MERTK: variants seen among roughly 807,000 people sequenced by gnomAD.
MERTK encodes tyrosine-protein kinase Mer.
Under a neutral mutation model 99.3 loss-of-function variants are expected in MERTK, and 69 were observed. The observed-to-expected ratio is 0.70, with a 90% CI of 0.57 to 0.85. MERTK has a LOEUF of 0.85. Ranked by LOEUF, MERTK falls within the 40% of genes least tolerant of loss-of-function variation. The pLI is 0.00. For missense variants in MERTK, 1,125 were observed against 1,249.4 expected (o/e 0.90, Z 1.50); for synonymous variants, 426 against 467.6 (o/e 0.91, Z 1.15).
intron 15 of MERTK, among the ~76,000 whole-genome samples, chr2:112,017,882 A>C (rs956710794): frequency 2.0e-5 from 3 of 152,218 alleles, no homozygotes; most frequent in East Asian, 1.9e-4. Flanking sequence ...CAACAAGTAG[A>C]ATGACTTCAC....
intron 4 of MERTK, among the ~76,000 whole-genome samples, chr2:111,951,548 T>TATATATATATATATATAC (rs1491494901): frequency 1.7e-5 from 2 of 118,914 alleles, no homozygotes; most frequent in African/African-American, 2.9e-5. Context: ...TATATATATA[T>TATATATATATATATATAC]ACCATAATTT....
At chr2:111,906,606 C>T (rs559997827) in intron 1 of MERTK, among the ~76,000 whole-genome samples, 1 of 152,304 alleles carries the variant, frequency 6.6e-6, no homozygotes, top group African/African-American at 2.4e-5. Flanking sequence ...GCCTGGAGGC[C>T]AGTTTTTCAC....
intron 1 of MERTK, among the ~76,000 whole-genome samples, chr2:111,922,691 C>T (rs1247558892): frequency 1.3e-5 from 2 of 152,184 alleles, no homozygotes; most frequent in East Asian, 3.9e-4. Flanking sequence ...ATCCTCTTGT[C>T]CTCACAAGAG....
intron 1 of MERTK, among the ~76,000 whole-genome samples, chr2:111,907,042 G>T (rs1684149942): frequency 6.6e-6 from 1 of 152,116 alleles, no homozygotes; most frequent in African/African-American, 2.4e-5. Flanking sequence ...CCTCAGCCCT[G>T]TGCGTGACTC....
At position 112,028,622 on chromosome 2, in the gene MERTK, C is replaced by G. The variant is rs189194232; in HGVS notation, c.2758C>G (p.His920Asp). The stretch of plus-strand genomic sequence containing the variant: ...CATCAGTGTGGTCACAGCAGAAGTT[C>G]ATGACAGCAAACCTCATGAAGGACG... ...AAISVVTAEV[H>D]DSKPHEGRYI... Residue 920 changes from histidine to aspartate, a missense_variant, in exon 19 of 19, where the codon CAT (histidine) becomes GAT (aspartate). His to Asp is a moderately conservative substitution (Grantham distance 81, BLOSUM62 -1). Coordinates refer to ENST00000295408, the MANE Select transcript of MERTK (RefSeq NM_006343.3). 4.3e-5 allele frequency: 70 copies of G among 1,614,204 alleles called. No individual in the cohort carries two copies. Among genetic ancestry groups the G allele is most frequent in the Middle Eastern group, 1.6e-4 (1 of 6,062 alleles).
chr2:111,960,641 G>T (rs77485850), intron 4 of MERTK, among the ~76,000 whole-genome samples: 302 of 151,794 alleles, frequency 2.0e-3, no homozygotes, highest in Non-Finnish European at 3.6e-3. Context: ...AAATATTTTT[G>T]CAATTTCAAG....
intron 1 of MERTK, among the ~76,000 whole-genome samples, chr2:111,926,555 C>T (rs1349551842): frequency 6.6e-6 from 1 of 152,122 alleles, no homozygotes; most frequent in East Asian, 1.9e-4. Context: ...GGTGAAACCC[C>T]GTCTCTACTA....
chr2:111,972,060 C>T (rs1033083655), intron 6 of MERTK, among the ~76,000 whole-genome samples: 7 of 152,080 alleles, frequency 4.6e-5, no homozygotes, highest in Admixed American at 1.3e-4. Context: ...GACAGAGTTT[C>T]GCGCTTATTG....
intron 2 of MERTK, among the ~76,000 whole-genome samples, chr2:111,930,926 T>C (rs1268029787): frequency 2.0e-5 from 3 of 152,176 alleles, no homozygotes; most frequent in Admixed American, 2.0e-4. Flanking sequence ...AGTTTTAGAA[T>C]TGGGTTGGCC....
At chr2:111,952,584 T>G (rs936261121) in intron 4 of MERTK, 7 of 152,266 alleles carry the variant, frequency 4.6e-5, no homozygotes, top group Non-Finnish European at 8.8e-5. Context: ...AGCTGACCAG[T>G]GCACGGGGTG....
intron 18 of MERTK, among the ~76,000 whole-genome samples, chr2:112,027,435 A>C (rs1350922833): frequency 6.6e-6 from 1 of 151,736 alleles, no homozygotes; most frequent in Non-Finnish European, 1.5e-5. Flanking sequence ...GGTATAACTC[A>C]CTCTTCATCT....
At chr2:111,924,567 C>G (rs932034070) in intron 1 of MERTK, among the ~76,000 whole-genome samples, 1 of 152,184 alleles carries the variant, frequency 6.6e-6, no homozygotes, top group African/African-American at 2.4e-5. Flanking sequence ...TGCTCTTCTT[C>G]CTCCTACTCA....
At chr2:112,010,359 C>T in intron 15 of MERTK, 1 of 375,344 alleles carries the variant, frequency 2.7e-6, no homozygotes, top group Admixed American at 3.7e-5. Context: ...CACTTCACAA[C>T]CCTCATGGCC....
chr2:112,009,952 G>A lies in MERTK; in HGVS notation c.1965G>A (p.Val655=), dbSNP rs1441987918. 2 of 1,605,440 alleles carry A rather than the reference G, an allele frequency of 1.2e-6. No homozygotes were observed. Among genetic ancestry groups the A allele is most frequent in the Non-Finnish European group, 1.7e-6 (2 of 1,172,300 alleles). The change falls in exon 15 of 19, where the codon GTG becomes GTA. Residue 655 remains valine, a synonymous_variant. Coordinates refer to ENST00000295408, the MANE Select transcript of MERTK (RefSeq NM_006343.3). ...SHPNVIRLLG[V]CIEMSSQGIP... ...ATGCTGTGTTTGTAATTTCAGGTGT[G>A]TGTATAGAAATGAGCTCTCAAGGCA...
rs1684628586 is a variant in MERTK at position 111,929,461 on chromosome 2, AAGGAATTG to A, written c.404_411del (p.Lys135ThrfsTer14). On this transcript the variant is annotated frameshift_variant, in exon 2 of 19. Coordinates refer to ENST00000295408, the MANE Select transcript of MERTK (RefSeq NM_006343.3). LOFTEE classifies it high-confidence loss of function. ...CACAATTTCTTGGTGGAAAGATGGG[AAGGAATTG>A]CTTGGGGCACATCATGCAATTACAC... 6.2e-7 allele frequency: 1 copy of A among 1,614,084 alleles called. No homozygotes were observed. Among genetic ancestry groups the A allele is most frequent in the African/African-American group, 1.3e-5 (1 of 74,938 alleles).
chr2:111,913,178 C>A, intron 1 of MERTK: 2 of 544,920 alleles, frequency 3.7e-6, no homozygotes, highest in Non-Finnish European at 2.3e-6. Context: ...GGACAAAGGC[C>A]AAATATATAC....
intron 2 of MERTK, among the ~76,000 whole-genome samples, chr2:111,938,663 G>C (rs72938452): frequency 0.043 from 6,600 of 152,238 alleles, 491 homozygotes; most frequent in African/African-American, 0.15. Context: ...GGCTGAGTAT[G>C]TGCCATTTCT....
At chr2:111,981,737 GTACACACACA>G (rs1299278599) in intron 7 of MERTK, among the ~76,000 whole-genome samples, 6,621 of 151,248 alleles carry the variant, frequency 0.044, 489 homozygotes, top group African/African-American at 0.15. Flanking sequence ...GTACACTCGT[GTACACACACA>G]CACACACACA....
intron 1 of MERTK, among the ~76,000 whole-genome samples, chr2:111,918,485 C>T (rs746918061): frequency 2.0e-5 from 3 of 152,138 alleles, no homozygotes; most frequent in Non-Finnish European, 4.4e-5. Context: ...AACCCCAGAC[C>T]CCCAGAGGGG....
Sources: gnomAD v4.1 joint callset for allele counts (sites outside exome capture counted in the v4.1 genomes callset) on GRCh38, gnomAD v4.1.1 for gene constraint, MANE v1.5 for transcripts, NCBI Gene and HGNC (gene_info 2026-07-23, HGNC 2026-07-21) for gene names.